Variants in FAM186A observed in about 807,000 individuals in gnomAD.
The protein encoded by FAM186A is family with sequence similarity 186 member A.
FAM186A carries 163 observed loss-of-function variants against 216.8 expected under a neutral mutation model. The observed-to-expected ratio is 0.75, with a 90% CI of 0.66 to 0.86. FAM186A has a LOEUF of 0.86. Among genes scored for constraint, FAM186A ranks in the 40% least tolerant of loss-of-function variants. The pLI, the probability that FAM186A is intolerant of heterozygous loss-of-function variation, is 0.00. For synonymous variants in FAM186A, 805 were observed against 1,025.3 expected (o/e 0.79, Z 4.10); for missense variants, 2,184 against 2,746.2 (o/e 0.80, Z 4.58).
chr12:50,387,780 T>C (rs1441408285), intron 1 of FAM186A, among the ~76,000 whole-genome samples: 1 of 152,198 alleles, frequency 6.6e-6, no homozygotes, highest in Non-Finnish European at 1.5e-5. Flanking sequence ...AGTCCCTAGT[T>C]TCTGCTGGCA....
rs903271336 is a variant in FAM186A at position 50,392,075 on chromosome 12, T to G, written c.192+4218A>C. 2.1e-5 allele frequency among the ~76,000 whole-genome samples: 3 copies of G among 146,206 alleles called. No homozygotes were observed. The East Asian group carries it at 6.0e-4, about 29-fold the overall frequency. On this transcript the variant is annotated intron_variant, in intron 1 of 7. Coordinates refer to ENST00000327337, the MANE Select transcript of FAM186A (RefSeq NM_001145475.3). The stretch of plus-strand genomic sequence containing the variant: ...AAAGTAGATACTGTATGGCTCCACT[T>G]ATATAAAATCTAAAATATGCAAACT...
intron 1 of FAM186A, among the ~76,000 whole-genome samples, chr12:50,375,062 C>T (rs1943183941): frequency 6.6e-6 from 1 of 152,094 alleles, no homozygotes; most frequent in Non-Finnish European, 1.5e-5. Context: ...CCTGTAGTCC[C>T]ATCTACCTGG....
intron 1 of FAM186A, among the ~76,000 whole-genome samples, chr12:50,393,944 A>C (rs1943387724): frequency 6.6e-6 from 1 of 152,120 alleles, no homozygotes; most frequent in South Asian, 2.1e-4. Flanking sequence ...TGTGAGGCAG[A>C]GTCTTGCTCT....
At chr12:50,380,917 T>C (rs1005965397) in intron 1 of FAM186A, among the ~76,000 whole-genome samples, 1 of 152,170 alleles carries the variant, frequency 6.6e-6, no homozygotes, top group Non-Finnish European at 1.5e-5. Flanking sequence ...CAAGTGAGCA[T>C]TGGGCCCGGC....
chr12:50,371,834 C>T lies in FAM186A; in HGVS notation c.193-8470G>A, dbSNP rs191953352. ...ACCACAATTAATTTTTTTTTTTAGA[C>T]GGAGTTTCGCTCTTATTGCCCAGGT... On this transcript the variant is annotated intron_variant, in intron 1 of 7. Transcript: ENST00000327337. 1.3e-3 allele frequency among the ~76,000 whole-genome samples: 191 copies of T among 151,374 alleles called. 2 individuals are homozygous for T. The highest frequency in any genetic ancestry group is 9.0e-3 in the Admixed American group (136 of 15,162).
At chr12:50,329,456 C>T (rs1942634567) in intron 7 of FAM186A, among the ~76,000 whole-genome samples, 1 of 152,084 alleles carries the variant, frequency 6.6e-6, no homozygotes, top group African/African-American at 2.4e-5. Flanking sequence ...AACTGTTTTC[C>T]ATAAACTCGT....
At chr12:50,363,091 TTC>T in intron 2 of FAM186A, 52 bp downstream of exon 2, 1 of 1,385,768 alleles carries the variant, frequency 7.2e-7, no homozygotes, top group Non-Finnish European at 9.7e-7. Flanking sequence ...ATATATTCTC[TTC>T]TCTTTTTCAT....
intron 2 of FAM186A, among the ~76,000 whole-genome samples, chr12:50,362,432 C>G (rs922343513): frequency 2.6e-5 from 4 of 152,008 alleles, no homozygotes; most frequent in Non-Finnish European, 5.9e-5. Flanking sequence ...AAGTCAGATA[C>G]TAATGCTATA....
intron 1 of FAM186A, among the ~76,000 whole-genome samples, chr12:50,378,573 T>TATATAC (rs1251811819): frequency 3.3e-4 from 4 of 12,078 alleles, no homozygotes; most frequent in African/African-American, 3.8e-4. Context: ...TATATATATA[T>TATATAC]ACACATATGT....
At chr12:50,379,169 G>A (rs151299405) in intron 1 of FAM186A, among the ~76,000 whole-genome samples, 1,633 of 150,702 alleles carry the variant, frequency 0.011, 27 homozygotes, top group African/African-American at 0.037. Flanking sequence ...GGCCGGGCAC[G>A]GTGGCTCACG....
chr12:50,333,423 T>A (rs1435246860), intron 5 of FAM186A, among the ~76,000 whole-genome samples: 1 of 152,046 alleles, frequency 6.6e-6, no homozygotes, highest in Admixed American at 6.6e-5. Flanking sequence ...TCCCATCTAC[T>A]CGGGAGGCTG....
chr12:50,366,626 C>CAAAAAAAAAAAAAAAAAA (rs61606774), intron 1 of FAM186A, among the ~76,000 whole-genome samples: 2 of 49,398 alleles, frequency 4.0e-5, no homozygotes, highest in African/African-American at 1.7e-4. Context: ...ATAGAATGAC[C>CAAAAAAAAAAAAAAAAAA]AAAAAAAAAA....
intron 1 of FAM186A, among the ~76,000 whole-genome samples, chr12:50,387,869 T>C (rs895752667): frequency 4.6e-5 from 7 of 152,164 alleles, no homozygotes; most frequent in Non-Finnish European, 7.3e-5. Context: ...AGAAAATGAT[T>C]TGGGGCTGCT....
intron 1 of FAM186A, among the ~76,000 whole-genome samples, chr12:50,381,332 T>C (rs1393364934): frequency 9.2e-5 from 14 of 152,174 alleles, no homozygotes; most frequent in Admixed American, 9.2e-4. Context: ...GAATGAGCTA[T>C]GCAGACAAGT....
chr12:50,343,056 C>G (rs1942780668), intron 4 of FAM186A, among the ~76,000 whole-genome samples: 1 of 151,866 alleles, frequency 6.6e-6, no homozygotes, highest in South Asian at 2.1e-4. Context: ...TCAAGACCAG[C>G]CTGGGCAACA....
In FAM186A at chr12:50,355,965, C is replaced by A; in HGVS notation, c.867G>T (p.Val289=). Residue 289 remains valine, a synonymous_variant, in exon 4 of 8, where the codon GTG becomes GTT. Coordinates refer to ENST00000327337, the MANE Select transcript of FAM186A (RefSeq NM_001145475.3). ...LKCVNFQSST[V]YAHETSEAEK... is the part of the protein sequence containing the mutation. ...CTGCTTCACTTGTCTCATGTGCATA[C>A]ACAGTGGAACTTTGGAAGTTAACAC... The A allele has an allele frequency of 6.4e-7, 1 of 1,551,560 alleles. No individual in the cohort carries two copies.
chr12:50,371,973 C>T (rs1943145913), intron 1 of FAM186A, among the ~76,000 whole-genome samples: 2 of 152,062 alleles, frequency 1.3e-5, no homozygotes, highest in Admixed American at 1.3e-4. Context: ...CCACAATACC[C>T]AGTTAATTTT....
intron 3 of FAM186A, among the ~76,000 whole-genome samples, chr12:50,357,339 T>TA (rs1367631938): frequency 6.6e-6 from 1 of 151,366 alleles, no homozygotes; most frequent in African/African-American, 2.4e-5. Flanking sequence ...TGAACTCTAC[T>TA]AAAAAAACAA....
chr12:50,340,488 T>C (rs1388861233), intron 4 of FAM186A, among the ~76,000 whole-genome samples: 2 of 151,954 alleles, frequency 1.3e-5, no homozygotes, highest in Non-Finnish European at 2.9e-5. Context: ...GGCAGGAGGA[T>C]TGCTTGAGCT....
Sources: gnomAD v4.1 joint callset for allele counts (sites outside exome capture counted in the v4.1 genomes callset) on GRCh38, gnomAD v4.1.1 for gene constraint, MANE v1.5 for transcripts, NCBI Gene and HGNC (gene_info 2026-07-23, HGNC 2026-07-21) for gene names.